The following BTBD3 variants were observed in gnomAD, a reference collection of about 807,000 sequenced individuals.
BTBD3 encodes the protein BTB/POZ domain-containing protein 3.
In BTBD3, 14 loss-of-function variants were observed where a neutral mutation model predicts 41.6. The observed-to-expected ratio is 0.34, with a 90% CI of 0.22 to 0.53. The LOEUF (loss-of-function observed/expected upper bound fraction) is 0.53, where lower values mean the gene tolerates loss of function less well. Among genes scored for constraint, BTBD3 ranks in the 20% least tolerant of loss-of-function variants. The pLI is 0.95. For synonymous variants in BTBD3, 249 were observed against 233.7 expected (o/e 1.07, Z -0.60); for missense variants, 426 against 654.7 (o/e 0.65, Z 3.81).
At position 11,924,714 on chromosome 20, in the gene BTBD3, T is replaced by A. The variant is rs910588785; in HGVS notation, c.*1048T>A. ...AATGAGATACCTTTGTTCATTTTTT[T>A]AAATTTGAAATATACTTTACCTGAT... On this transcript the variant is annotated 3_prime_UTR_variant, in exon 4 of 4. Coordinates refer to ENST00000378226, the MANE Select transcript of BTBD3 (RefSeq NM_014962.4). 3.3e-5 allele frequency: 5 copies of A among 152,672 alleles called. No individual in the cohort carries two copies. The highest frequency in any genetic ancestry group is 1.2e-4 in the African/African-American group (5 of 41,462). The allele number at this position is 152,672 out of a possible 1,614,324, so 9.5% of individuals were successfully genotyped here. A position where few individuals can be genotyped will look rare whatever the true frequency, so the allele number is the denominator to read the frequency against.
At chr20:11,895,606 C>T (rs2056782027) in intron 1 of BTBD3, among the ~76,000 whole-genome samples, 1 of 152,154 alleles carries the variant, frequency 6.6e-6, no homozygotes, top group South Asian at 2.1e-4. Context: ...TCAGCATTCT[C>T]TGTGTAGAGT....
Position 11,922,826 on chromosome 20 carries a change from T to C in BTBD3, c.729T>C (p.Arg243=). 1 of 1,614,154 alleles carries C rather than the reference T, an allele frequency of 6.2e-7. No homozygotes were observed. The highest frequency in any genetic ancestry group is 1.3e-5 in the African/African-American group (1 of 75,044). ...TCGAGGAGCCAGACCTGACCCAGCG[T>C]TGCTGGGAGGTGATTGATGCCCAGG... ...CLFEEPDLTQ[R]CWEVIDAQAE... is the part of the protein sequence containing the mutation. The change falls in exon 4 of 4, where the codon CGT becomes CGC. Residue 243 remains arginine (R), a synonymous_variant. Transcript: ENST00000378226.
At chr20:11,892,467 C>T (rs1332247914) in intron 1 of BTBD3, 1 of 151,742 alleles carries the variant, frequency 6.6e-6, no homozygotes, top group Non-Finnish European at 1.5e-5. Flanking sequence ...GTCCTCTTAC[C>T]CTTGGGTTTC....
Position 11,923,802 on chromosome 20 carries a change from C to G in BTBD3, c.*136C>G. On this transcript the variant is annotated 3_prime_UTR_variant, in exon 4 of 4. Coordinates refer to ENST00000378226, the MANE Select transcript of BTBD3 (RefSeq NM_014962.4). The surrounding 1 kb of genome is among the most constrained non-coding windows in gnomAD (Gnocchi z 5.3). ...TGAAGCGGTAGGCAGGTTCTAATTT[C>G]TTTTAACCTTTTAATTATGTACAGG... is the stretch of plus-strand genomic sequence containing the variant. The G allele has an allele frequency of 2.4e-6, 2 of 830,650 alleles. No homozygotes were observed. The highest frequency in any genetic ancestry group is 3.7e-6 in the Non-Finnish European group (2 of 546,868). The allele number at this position is 830,650 out of a possible 1,614,324, so 51.5% of individuals were successfully genotyped here.
rs3834758 is a variant in BTBD3, at chr20:11,908,321, G to GTTTTT, written c.-125-9999_-125-9995dup. ...ATGGTGGAGTGGTTGCTTCTCTGTG[G>GTTTTT]TTTTTTTTTTTTTTTTTTAAATAAG... is the stretch of plus-strand genomic sequence containing the variant. On this transcript the variant is annotated intron_variant, in intron 1 of 4. Coordinates refer to the BTBD3 transcript ENST00000254977. Among the ~76,000 whole-genome samples, 17 of 77,070 alleles carry GTTTTT rather than the reference G, an allele frequency of 2.2e-4. 6 individuals are homozygous for GTTTTT. Among genetic ancestry groups the GTTTTT allele is most frequent in the Non-Finnish European group, 3.7e-4 (15 of 40,280 alleles). 50.6% of individuals were successfully genotyped at this position (77,070 alleles called of 152,430 possible).
chr20:11,920,176 A>C (rs984762766), intron 3 of BTBD3, among the ~76,000 whole-genome samples: 15 of 152,232 alleles, frequency 9.9e-5, no homozygotes, highest in African/African-American at 3.6e-4. Context: ...TGTGTGAAAA[A>C]GTCTTTAAAC....
At chr20:11,908,672 T>G (rs1396762564) in intron 1 of BTBD3, among the ~76,000 whole-genome samples, 10 of 151,800 alleles carry the variant, frequency 6.6e-5, no homozygotes, top group Admixed American at 5.9e-4. Flanking sequence ...AGAATTGAAT[T>G]TTTTTTGAAA....
chr20:11,916,286 T>G (rs192763183), upstream of BTBD3, among the ~76,000 whole-genome samples: 41 of 152,362 alleles, frequency 2.7e-4, no homozygotes, highest in East Asian at 7.9e-3. Flanking sequence ...AACCCTATTC[T>G]GAATAATTAG....
intron 1 of BTBD3, among the ~76,000 whole-genome samples, chr20:11,906,762 T>C (rs1305003272): frequency 2.0e-5 from 3 of 152,198 alleles, no homozygotes; most frequent in African/African-American, 7.2e-5. Context: ...CATCTTAGAA[T>C]TGTGGTTTAT....
intron 3 of BTBD3, among the ~76,000 whole-genome samples, chr20:11,920,554 G>A (rs1226404868): frequency 1.3e-5 from 2 of 152,128 alleles, no homozygotes; most frequent in Non-Finnish European, 2.9e-5. Flanking sequence ...TCTTCTGCAG[G>A]CACCAGTATG....
At chr20:11,916,847 G>C (rs2056921461), upstream of BTBD3, among the ~76,000 whole-genome samples, 1 of 152,126 alleles carries the variant, frequency 6.6e-6, no homozygotes, top group Non-Finnish European at 1.5e-5. Flanking sequence ...ATTTTAATTA[G>C]TCCCTCTTTA....
chr20:11,906,253 C>CTTTTTTTTTTTTTT (rs1568610658), intron 1 of BTBD3, among the ~76,000 whole-genome samples: 3 of 37,346 alleles, frequency 8.0e-5, no homozygotes, highest in Non-Finnish European at 1.3e-4. Context: ...TATTATTACT[C>CTTTTTTTTTTTTTT]CTTTTTTTTT....
Position 11,918,125 on chromosome 20 carries a change from A to T in BTBD3, c.-151A>T, listed in dbSNP as rs991231936. On this transcript the variant is annotated 5_prime_UTR_variant, in exon 1 of 4. Transcript: ENST00000378226. ...AACTTAAAGCCAGTTTCTATTCAAC[A>T]TAGTGAAAAGGTCACCTTGCCTGGC... 2.7e-6 allele frequency: 4 copies of T among 1,476,062 alleles called. No homozygotes were observed. Among genetic ancestry groups the T allele is most frequent in the Non-Finnish European group, 3.6e-6 (4 of 1,125,220 alleles). The allele number at this position is 1,476,062 out of a possible 1,614,324, so 91.4% of individuals were successfully genotyped here. A position where few individuals can be genotyped will look rare whatever the true frequency, so the allele number is the denominator to read the frequency against.
intron 1 of BTBD3, among the ~76,000 whole-genome samples, chr20:11,906,222 A>G (rs971680670): frequency 2.6e-5 from 3 of 113,482 alleles, no homozygotes; most frequent in Non-Finnish European, 5.5e-5. Flanking sequence ...TTATTCCACT[A>G]CTGATACCAT....
At chr20:11,904,043 T>G (rs1021005690) in intron 1 of BTBD3, among the ~76,000 whole-genome samples, 1 of 152,184 alleles carries the variant, frequency 6.6e-6, no homozygotes, top group African/African-American at 2.4e-5. Context: ...AAAAAGTAGG[T>G]ATGTGTAAAA....
At chr20:11,909,402 A>G (rs2056876289) in intron 1 of BTBD3, 1 of 151,860 alleles carries the variant, frequency 6.6e-6, no homozygotes, top group Non-Finnish European at 1.5e-5. Flanking sequence ...ATTCTACTTG[A>G]ATTTTTTGTT....
chr20:11,894,770 A>ATGCT lies in BTBD3; in HGVS notation c.-126+3819_-126+3822dup, dbSNP rs1180631201. 3.3e-5 allele frequency among the ~76,000 whole-genome samples: 5 copies of ATGCT among 151,872 alleles called. No individual in the cohort carries two copies. The East Asian group carries it at 9.6e-4, about 29-fold the overall frequency. ...TATGATTTTTTCCTTGTATTTGTTC[A>ATGCT]TGCTTGGAAAGCCCAGAAAGACCCT... On this transcript the variant is annotated intron_variant, in intron 1 of 4. Coordinates refer to the BTBD3 transcript ENST00000254977.
Position 11,925,633 on chromosome 20 carries a change from A to C in BTBD3, c.*1967A>C, listed in dbSNP as rs963686291. 4 of 152,670 alleles carry C rather than the reference A, an allele frequency of 2.6e-5. No homozygotes were observed. Among genetic ancestry groups the C allele is most frequent in the African/African-American group, 4.8e-5 (2 of 41,470 alleles). 9.5% of individuals were successfully genotyped at this position (152,670 alleles called of 1,614,324 possible). On this transcript the variant is annotated 3_prime_UTR_variant, in exon 4 of 4. Coordinates refer to ENST00000378226, the MANE Select transcript of BTBD3 (RefSeq NM_014962.4). ...TTCAATTAAAAAGCACACTTCTACA[A>C]AAGATTTGGTTTTTAAATTATGGTT...
At chr20:11,896,611 A>G (rs1270099526) in intron 1 of BTBD3, among the ~76,000 whole-genome samples, 1 of 152,226 alleles carries the variant, frequency 6.6e-6, no homozygotes, top group African/African-American at 2.4e-5. Flanking sequence ...TTGGTTTATC[A>G]TAATTCTTCA....
Sources: allele counts gnomAD v4.1 joint callset (sites outside exome capture counted in the v4.1 genomes callset), GRCh38; gene constraint gnomAD v4.1.1; non-coding constraint Gnocchi (gnomAD v3.1); transcripts MANE v1.5; gene names NCBI Gene and HGNC (gene_info 2026-07-23, HGNC 2026-07-21).